Variants in PPP2R2C observed in about 807,000 individuals in gnomAD.
PPP2R2C encodes the protein protein phosphatase 2, regulatory subunit B, gamma.
In PPP2R2C, 10 loss-of-function variants were observed where a neutral mutation model predicts 45.3. The observed-to-expected ratio is 0.22, with a 90% CI of 0.14 to 0.37. The LOEUF is 0.37. Among genes scored for constraint, PPP2R2C ranks in the 10% least tolerant of loss-of-function variants. PPP2R2C has a pLI of 1.00. For synonymous variants in PPP2R2C, 257 were observed against 245.4 expected, an observed-to-expected ratio of 1.05 and a Z score of -0.44; for missense variants, 308 against 619.7, an observed-to-expected ratio of 0.50 and a Z score of 5.34.
chr4:6,520,328 G>A (rs182205514), intron 2 of PPP2R2C, among the ~76,000 whole-genome samples: 28 of 152,236 alleles, frequency 1.8e-4, no homozygotes, highest in Non-Finnish European at 3.2e-4. Context: ...ATTACCGCAG[G>A]GGGTAGCATG....
rs187736367 is a variant in PPP2R2C at position 6,480,185 on chromosome 4, C to T, written c.49+55086G>A. On this transcript the variant is annotated intron_variant, in intron 2 of 9. Coordinates refer to the PPP2R2C transcript ENST00000506140. ...CCTTAACATACATACATGCATTGTA[C>T]CATTTTATGTAATTTAGAAATTTAT... Among the ~76,000 whole-genome samples the T allele has an allele frequency of 6.8e-4, 103 of 152,304 alleles. No individual in the cohort carries two copies. In the Middle Eastern group the frequency reaches 0.02, roughly 30 times the overall value.
chr4:6,404,141 C>A (rs1040250830), intron 1 of PPP2R2C, among the ~76,000 whole-genome samples: 5 of 152,152 alleles, frequency 3.3e-5, no homozygotes, highest in Non-Finnish European at 7.4e-5. Flanking sequence ...GGACTGCCTA[C>A]CTTAACCATG....
chr4:6,512,296 G>A (rs1324135346), intron 2 of PPP2R2C, among the ~76,000 whole-genome samples: 1 of 60,588 alleles, frequency 1.7e-5, no homozygotes, highest in Non-Finnish European at 3.8e-5. Context: ...GATGGTGGCG[G>A]TGGTGGTGGT....
chr4:6,381,414 T>G (rs762890359), intron 1 of PPP2R2C: 38 of 1,420,466 alleles, frequency 2.7e-5, no homozygotes, highest in Non-Finnish European at 3.2e-5. Flanking sequence ...TGAAGCCACC[T>G]GGATGTGGCC....
chr4:6,323,844 G>A (rs1040402560), intron 8 of PPP2R2C, among the ~76,000 whole-genome samples: 31 of 31,528 alleles, frequency 9.8e-4, no homozygotes, highest in African/African-American at 2.7e-3. Flanking sequence ...CTGAGCCTGG[G>A]GAGGCAGGAG....
intron 1 of PPP2R2C, among the ~76,000 whole-genome samples, chr4:6,425,660 G>C (rs553078989): frequency 6.6e-6 from 1 of 152,070 alleles, no homozygotes; most frequent in Non-Finnish European, 1.5e-5. Context: ...CCTTCATCAC[G>C]TGCAGGAACT....
At chr4:6,502,533 GCTTC>G (rs1280006826) in intron 2 of PPP2R2C, among the ~76,000 whole-genome samples, 1 of 147,704 alleles carries the variant, frequency 6.8e-6, no homozygotes, top group East Asian at 2.0e-4. Flanking sequence ...CTCCTTCCCT[GCTTC>G]CTTCCTTCCT....
At chr4:6,399,426 G>A (rs1717267193) in intron 1 of PPP2R2C, among the ~76,000 whole-genome samples, 2 of 152,184 alleles carry the variant, frequency 1.3e-5, no homozygotes, top group Admixed American at 1.3e-4. Context: ...CAGTCATTTG[G>A]TGCATTTTTC....
upstream of PPP2R2C, among the ~76,000 whole-genome samples, chr4:6,476,372 T>G (rs759954427): frequency 2.6e-5 from 4 of 152,132 alleles, no homozygotes; most frequent in Non-Finnish European, 4.4e-5. Flanking sequence ...GTGGGGTCTT[T>G]GAGAGGTGAT....
At chr4:6,534,492 A>G (rs77205336) in intron 2 of PPP2R2C, among the ~76,000 whole-genome samples, 2,546 of 151,962 alleles carry the variant, frequency 0.017, 68 homozygotes, top group African/African-American at 0.058. Context: ...TCCAACAGTC[A>G]CACCAACACA....
At chr4:6,396,866 C>A (rs951249946) in intron 1 of PPP2R2C, among the ~76,000 whole-genome samples, 1 of 152,166 alleles carries the variant, frequency 6.6e-6, no homozygotes, top group Non-Finnish European at 1.5e-5. Context: ...CCATGCTACC[C>A]ACAGTTTAAC....
intron 5 of PPP2R2C, chr4:6,349,700 G>T: frequency 2.6e-6 from 2 of 756,750 alleles, no homozygotes; most frequent in Non-Finnish European, 3.2e-6. Flanking sequence ...AAATTAGTTG[G>T]AGACAAGCCT....
At chr4:6,394,442 A>G (rs1716879099) in intron 1 of PPP2R2C, among the ~76,000 whole-genome samples, 1 of 152,270 alleles carries the variant, frequency 6.6e-6, no homozygotes, top group Admixed American at 6.5e-5. Context: ...ACATTGAAGC[A>G]AAGATTAATC....
At chr4:6,511,535 T>C (rs1312806432) in intron 2 of PPP2R2C, among the ~76,000 whole-genome samples, 4 of 43,892 alleles carry the variant, frequency 9.1e-5, no homozygotes, top group African/African-American at 1.4e-4. Context: ...ATGGTGGTGG[T>C]GGTGGTGGTG....
chr4:6,323,278 G>T lies in PPP2R2C; in HGVS notation c.*24C>A. The stretch of plus-strand genomic sequence containing the variant: ...GGGATGACTTGCATGAGGCTGGGTG[G>T]CAGGGGCCGGGAACTGCACATACCT... On this transcript the variant is annotated 3_prime_UTR_variant, in exon 9 of 9. Coordinates refer to ENST00000382599, the MANE Select transcript of PPP2R2C (RefSeq NM_020416.4). 1.3e-6 allele frequency: 2 copies of T among 1,566,036 alleles called. No individual in the cohort carries two copies. Among genetic ancestry groups the T allele is most frequent in the Non-Finnish European group, 8.7e-7 (1 of 1,148,440 alleles).
In PPP2R2C at chr4:6,378,417, C is replaced by T. The variant is rs1287083376; in HGVS notation, c.324G>A (p.Leu108=). Residue 108 remains leucine (L), a synonymous_variant, in exon 3 of 9, where the codon CTG becomes CTA. Transcript: ENST00000382599. The surrounding 1 kb of genome is among the most constrained non-coding windows in gnomAD (Gnocchi z 5.2). ...LPQQNAAHSL[L]STNDKTIKLW... is the part of the protein sequence containing the mutation. Reference sequence around the variant, plus strand: ...CGGGCAGCGCCTCACCGTTGGTGGACAGGAGTGAGTGGGCGGCGTTCTGCT... The same window carrying T: ...CGGGCAGCGCCTCACCGTTGGTGGATAGGAGTGAGTGGGCGGCGTTCTGCT... 1 of 1,614,222 alleles carries T rather than the reference C, an allele frequency of 6.2e-7. No individual in the cohort carries two copies. Among genetic ancestry groups the T allele is most frequent in the Non-Finnish European group, 8.5e-7 (1 of 1,180,046 alleles).
At chr4:6,396,043 C>T (rs1211473495) in intron 1 of PPP2R2C, among the ~76,000 whole-genome samples, 3 of 152,202 alleles carry the variant, frequency 2.0e-5, no homozygotes, top group African/African-American at 4.8e-5. Context: ...CACCGGGGAA[C>T]TCACACAGGA....
chr4:6,414,572 CT>C (rs1214812386), intron 1 of PPP2R2C, among the ~76,000 whole-genome samples: 1 of 151,970 alleles, frequency 6.6e-6, no homozygotes, highest in Admixed American at 6.6e-5. Flanking sequence ...CAGCCAGTAT[CT>C]GGATCTCATT....
At chr4:6,472,009 ATGGGGTGGGGTGGGG>A (rs1178287354) in intron 1 of PPP2R2C, 136 bp downstream of exon 1, 2 of 737,490 alleles carry the variant, frequency 2.7e-6, no homozygotes, top group Admixed American at 3.3e-5. Flanking sequence ...GTGGGATGGG[ATGGGGTGGGGTGGGG>A]TGGGATGGGG....
Sources: allele counts gnomAD v4.1 joint callset (sites outside exome capture counted in the v4.1 genomes callset), GRCh38; gene constraint gnomAD v4.1.1; non-coding constraint Gnocchi (gnomAD v3.1); transcripts MANE v1.5; gene names NCBI Gene and HGNC (gene_info 2026-07-23, HGNC 2026-07-21).